The following ESPL1 variants were observed in gnomAD, a reference collection of about 807,000 sequenced individuals.
ESPL1 encodes the protein separin.
ESPL1 carries 50 observed loss-of-function variants against 217.2 expected under a neutral mutation model. The observed-to-expected ratio is 0.23, with a 90% CI of 0.18 to 0.29. The LOEUF is 0.29. ESPL1 is among the 10% of genes least tolerant of loss of function. The pLI, the probability that ESPL1 is intolerant of heterozygous loss-of-function variation, is 1.00. For synonymous variants in ESPL1, 994 were observed against 1,081.3 expected (o/e 0.92, Z 1.58); for missense variants, 1,834 against 2,603.0 (o/e 0.70, Z 6.43).
At position 53,288,603 on chromosome 12, in the gene ESPL1, T is replaced by A. The variant is rs770355484; in HGVS notation, c.4612T>A (p.Ser1538Thr). The change falls in exon 20 of 31, where the codon TCC becomes ACC. Residue 1538 changes from serine (S) to threonine (T), a missense_variant. Ser to Thr is a moderately conservative substitution (Grantham distance 58, BLOSUM62 1). Around this residue, in one of 5 missense-constraint regions of ESPL1, gnomAD observed 681 missense variants for 808.0 expected, o/e 0.84. Coordinates refer to ENST00000257934, the MANE Select transcript of ESPL1 (RefSeq NM_012291.5). ...AGAATGGGAGCTGCTGAGGCTGGAT[T>A]CCAGCAAGAAGAAGCTGCCCAGCCC... ...SGEWELLRLDSSKKKLPSPCP... is the reference protein window; with the variant it reads ...SGEWELLRLDTSKKKLPSPCP... 6.2e-7 allele frequency: 1 copy of A among 1,613,844 alleles called. No individual in the cohort carries two copies. Among genetic ancestry groups the A allele is most frequent in the Non-Finnish European group, 8.5e-7 (1 of 1,180,006 alleles).
At chr12:53,289,697 TATG>T in intron 22 of ESPL1, 103 bp downstream of exon 22, 1 of 927,922 alleles carries the variant, frequency 1.1e-6, no homozygotes, top group African/African-American at 1.7e-5. Context: ...TACATAGATT[TATG>T]ACCCTTATGT....
intron 18 of ESPL1, chr12:53,287,137 A>G: frequency 2.4e-6 from 1 of 417,166 alleles, no homozygotes; most frequent in Non-Finnish European, 4.3e-6. Context: ...CAGTGGCGCA[A>G]TCTCAGCTCA....
chr12:53,280,064 T>C (rs542939566), intron 12 of ESPL1, among the ~76,000 whole-genome samples, 198 bp downstream of exon 12: 16 of 152,334 alleles, frequency 1.1e-4, no homozygotes, highest in African/African-American at 3.8e-4. Context: ...CAAAACCAGT[T>C]GTTCATTAAG....
At chr12:53,277,060 T>A (rs753562991) in intron 8 of ESPL1, 23 bp from the exon 9 acceptor site, 2 of 1,607,290 alleles carry the variant, frequency 1.2e-6, no homozygotes, top group Admixed American at 3.3e-5. Context: ...TAGGCCCAGC[T>A]TAAGCACATC....
intron 25 of ESPL1, 22 bp downstream of exon 25, chr12:53,291,018 G>A: frequency 6.4e-7 from 1 of 1,557,762 alleles, no homozygotes; most frequent in Admixed American, 1.9e-5. Flanking sequence ...AAGCAGGGAA[G>A]GGGGCCAGGC....
At position 53,277,882 on chromosome 12, in the gene ESPL1, G is replaced by T; in HGVS notation, c.2286G>T (p.Gln762His). 1 of 1,614,222 alleles carries T rather than the reference G, an allele frequency of 6.2e-7. No homozygotes were observed. Among genetic ancestry groups the T allele is most frequent in the Non-Finnish European group, 8.5e-7 (1 of 1,180,040 alleles). Reference sequence around the variant, plus strand: ...GGAAGGAGCTGCTTACAAAGGGGCAGGCCCCAGCTGTACGGTGTCTCCAGC... The same window carrying T: ...GGAAGGAGCTGCTTACAAAGGGGCATGCCCCAGCTGTACGGTGTCTCCAGC... Reference protein sequence around the residue: ...ALWKELLTKGQAPAVRCLQQT... With the variant: ...ALWKELLTKGHAPAVRCLQQT... The change falls in exon 11 of 31, where the codon CAG (glutamine) becomes CAT (histidine). Residue 762 changes from glutamine to histidine, a missense_variant. By Grantham distance (24) the Gln-to-His change is conservative (BLOSUM62 0). Coordinates refer to ENST00000257934, the MANE Select transcript of ESPL1 (RefSeq NM_012291.5).
Position 53,286,170 on chromosome 12 carries a change from C to T in ESPL1, c.3434C>T (p.Thr1145Ile), listed in dbSNP as rs781053189. The change falls in exon 18 of 31, where the codon ACC (threonine) becomes ATC (isoleucine). Residue 1145 changes from threonine (T) to isoleucine (I), a missense_variant. Thr to Ile is a moderately conservative substitution (Grantham distance 89). Around this residue, in one of 5 missense-constraint regions of ESPL1, gnomAD observed 681 missense variants for 808.0 expected, o/e 0.84. Coordinates refer to ENST00000257934, the MANE Select transcript of ESPL1 (RefSeq NM_012291.5). The surrounding 1 kb of genome is among the most constrained non-coding windows in gnomAD (Gnocchi z 5.3). ...CCCAACTTCCTGTCCCATTCACCCA[C>T]CTGTGACTGCTCGCTCTGCGCCAGC... is the stretch of plus-strand genomic sequence containing the variant. ...PIPNFLSHSP[T>I]CDCSLCASPV... is the part of the protein sequence containing the mutation. The T allele has an allele frequency of 6.2e-7, 1 of 1,614,276 alleles. No homozygotes were observed. Among genetic ancestry groups the T allele is most frequent in the Non-Finnish European group, 8.5e-7 (1 of 1,180,052 alleles).
chr12:53,273,453 A>G (rs1454665553), intron 6 of ESPL1, among the ~76,000 whole-genome samples: 1 of 151,672 alleles, frequency 6.6e-6, no homozygotes, highest in African/African-American at 2.4e-5. Context: ...GCCCCGAGTT[A>G]ATTGCATCAG....
intron 7 of ESPL1, among the ~76,000 whole-genome samples, chr12:53,276,255 T>C (rs1221013479): frequency 6.7e-6 from 1 of 149,848 alleles, no homozygotes. Flanking sequence ...GCAGAGAGAG[T>C]AGTAAATACA....
Position 53,269,217 on chromosome 12 carries a change from G to A in ESPL1, c.275G>A (p.Arg92His), listed in dbSNP as rs754877747. ...GGCTACTTAGTGTCTACCCCACAGC[G>A]TCCTCCCCTCTACCTGGAACGAATT... ...CDGYLVSTPQ[R>H]PPLYLERILF... The change falls in exon 3 of 31, where the codon CGT becomes CAT. Residue 92 changes from arginine (R) to histidine (H), a missense_variant. Physicochemically the swap from Arg to His is conservative, Grantham distance 29 (BLOSUM62 0). Around this residue, in one of 5 missense-constraint regions of ESPL1, gnomAD observed 746 missense variants for 1,077.0 expected, o/e 0.69. Coordinates refer to ENST00000257934, the MANE Select transcript of ESPL1 (RefSeq NM_012291.5). The surrounding 1 kb of genome is among the most constrained non-coding windows in gnomAD (Gnocchi z 6.7). 2 of 1,614,164 alleles carry A rather than the reference G, an allele frequency of 1.2e-6. No homozygotes were observed. The highest frequency in any genetic ancestry group is 1.7e-6 in the Non-Finnish European group (2 of 1,180,018).
intron 14 of ESPL1, 48 bp from the exon 15 acceptor site, chr12:53,283,081 G>C (rs1280296640): frequency 6.2e-7 from 1 of 1,612,124 alleles, no homozygotes; most frequent in Admixed American, 1.7e-5. Flanking sequence ...GCTAAAAGTG[G>C]TGAAGTTCTG....
At chr12:53,271,101 G>GTTT (rs11378245) in intron 5 of ESPL1, among the ~76,000 whole-genome samples, 1 of 144,888 alleles carries the variant, frequency 6.9e-6, no homozygotes, top group African/African-American at 2.6e-5. Flanking sequence ...ATTTTTTAAT[G>GTTT]TTTTTTTTTC....
intron 7 of ESPL1, among the ~76,000 whole-genome samples, chr12:53,276,191 G>A (rs1943762784): frequency 6.6e-6 from 1 of 152,136 alleles, no homozygotes; most frequent in Admixed American, 6.5e-5. Context: ...CTGGGCAACA[G>A]AGTGAGACTG....
intron 24 of ESPL1, 77 bp from the exon 25 acceptor site, chr12:53,290,764 C>G (rs1201254110): frequency 1.9e-6 from 1 of 521,546 alleles, no homozygotes; most frequent in Non-Finnish European, 2.3e-6. Flanking sequence ...CGCATTTTCT[C>G]ATCTCCAAAA....
At chr12:53,273,664 CAGG>C (rs1254009275) in intron 6 of ESPL1, among the ~76,000 whole-genome samples, 1 of 150,232 alleles carries the variant, frequency 6.7e-6, no homozygotes, top group African/African-American at 2.4e-5. Context: ...GAGGCTGAGG[CAGG>C]AGAATTGCCT....
rs368828501 is a variant in ESPL1 at position 53,277,227 on chromosome 12, A to G, written c.2085A>G (p.Glu695=). 52 of 1,605,952 alleles carry G rather than the reference A, an allele frequency of 3.2e-5. No homozygotes were observed. Among genetic ancestry groups the G allele is most frequent in the Non-Finnish European group, 4.0e-5 (47 of 1,173,308 alleles). Residue 695 remains glutamate (E), a splice_region_variant and synonymous_variant, in exon 9 of 31, where the codon GAA becomes GAG. Coordinates refer to ENST00000257934, the MANE Select transcript of ESPL1 (RefSeq NM_012291.5). ...YICTLEAKMQ[E]GIERDRRAQA... is the part of the protein sequence containing the mutation. ...GTACTCTGGAAGCCAAAATGCAGGA[A>G]GTGAGTGTGGCTGCTGTGGGGCTCA...
At position 53,286,780 on chromosome 12, in the gene ESPL1, A is replaced by C. The variant is rs1194070432; in HGVS notation, c.4044A>C (p.Lys1348Asn). The change falls in exon 18 of 31, where the codon AAA (lysine) becomes AAC (asparagine). Residue 1348 changes from lysine (K) to asparagine (N), a missense_variant. By Grantham distance (94) the Lys-to-Asn change is moderately conservative (BLOSUM62 0). Transcript: ENST00000257934. This position sits in a 1 kb window ranked among gnomAD's most constrained non-coding sequence, Gnocchi z 5.3. The stretch of plus-strand genomic sequence containing the variant: ...GTAGAGGACTGCCCTGCACACCTAA[A>C]CCCCCAGACCGGATCAGGCAAGCTG... ...LEGRGLPCTPKPPDRIRQAGP... is the reference protein window; with the variant it reads ...LEGRGLPCTPNPPDRIRQAGP... The C allele has an allele frequency of 1.2e-6, 2 of 1,613,822 alleles. No individual in the cohort carries two copies. Among genetic ancestry groups the C allele is most frequent in the African/African-American group, 2.7e-5 (2 of 74,858 alleles).
At position 53,292,335 on chromosome 12, in the gene ESPL1, C is replaced by T. The variant is rs866791966; in HGVS notation, c.5854C>T (p.Leu1952=). The part of the protein sequence containing the change: ...GVDPRSTFYV[L]NPHNNLSSTE... ...GGATCCACGAAGTACCTTCTATGTC[C>T]TGAACCCTCACAATAACCTGTCAAG... Residue 1952 remains leucine, a synonymous_variant, in exon 28 of 31, where the codon CTG becomes TTG. Transcript: ENST00000257934. The surrounding 1 kb of genome is among the most constrained non-coding windows in gnomAD (Gnocchi z 4.5). 1 of 1,613,978 alleles carries T rather than the reference C, an allele frequency of 6.2e-7. No individual in the cohort carries two copies. The highest frequency in any genetic ancestry group is 1.3e-5 in the African/African-American group (1 of 74,892).
Position 53,293,207 on chromosome 12 carries a change from AT to A in ESPL1, c.6162-65del. 7.3e-7 allele frequency: 1 copy of A among 1,363,852 alleles called. No individual in the cohort carries two copies. Among genetic ancestry groups the A allele is most frequent in the Non-Finnish European group, 1.0e-6 (1 of 954,638 alleles). 84.5% of individuals were successfully genotyped at this position (1,363,852 alleles called of 1,614,324 possible). A position where few individuals can be genotyped will look rare whatever the true frequency, so the allele number is the denominator to read the frequency against. The stretch of plus-strand genomic sequence containing the variant: ...CTCCACTCACCCACCCCCACCACCA[AT>A]GGTGTTTTCCTATGTATTCTGTTTT... On this transcript the variant is annotated intron_variant, in intron 30 of 30. Coordinates refer to ENST00000257934, the MANE Select transcript of ESPL1 (RefSeq NM_012291.5). The surrounding 1 kb of genome is among the most constrained non-coding windows in gnomAD (Gnocchi z 4.2).
Sources: allele counts gnomAD v4.1 joint callset (sites outside exome capture counted in the v4.1 genomes callset), GRCh38; gene constraint gnomAD v4.1.1; regional missense constraint gnomAD v4.1.1; non-coding constraint Gnocchi (gnomAD v3.1); transcripts MANE v1.5; gene names NCBI Gene and HGNC (gene_info 2026-07-23, HGNC 2026-07-21).